Variants in DCHS2 observed in about 807,000 individuals in gnomAD.
DCHS2 encodes the protein protocadherin-23.
In DCHS2, 142 loss-of-function variants were observed where a neutral mutation model predicts 182.4. The ratio of observed to expected loss-of-function variants is 0.78; its 90% CI spans 0.68 to 0.89. DCHS2 has a LOEUF of 0.89. Among genes scored for constraint, DCHS2 ranks in the 40% least tolerant of loss-of-function variants. The pLI is 0.00. For missense variants in DCHS2, 4,319 were observed against 4,198.6 expected (o/e 1.03, Z -0.79); for synonymous variants, 1,740 against 1,663.3 (o/e 1.05, Z -1.12).
At chr4:154,338,101 C>CT (rs1053833093) in intron 3 of DCHS2, among the ~76,000 whole-genome samples, 3 of 152,168 alleles carry the variant, frequency 2.0e-5, no homozygotes, top group Non-Finnish European at 2.9e-5. Flanking sequence ...TTTCTCTCCA[C>CT]TTAGCTCTAG....
Position 154,486,337 on chromosome 4 carries a change from A to G in DCHS2, c.2052+2967T>C, listed in dbSNP as rs1728584923. The G allele has an allele frequency of 4.1e-6, 5 of 1,218,950 alleles. No individual in the cohort carries two copies. The Admixed American group carries it at 1.3e-4, about 31-fold the overall frequency. 75.5% of individuals were successfully genotyped at this position (1,218,950 alleles called of 1,614,324 possible). ...CATAGTGCCAGCAACAGCAGCAACT[A>G]GAGTGGTAGGACCCCAAACATTGGG... On this transcript the variant is annotated intron_variant, in intron 1 of 19. Coordinates refer to ENST00000357232, the MANE Select transcript of DCHS2 (RefSeq NM_001358235.2).
intron 1 of DCHS2, among the ~76,000 whole-genome samples, chr4:154,472,009 T>C (rs1024315345): frequency 7.0e-6 from 1 of 143,728 alleles, no homozygotes; most frequent in African/African-American, 2.5e-5. Context: ...CCTCATGTCC[T>C]GTTAGTCTCT....
At chr4:154,344,260 AG>A (rs1729251885) in intron 3 of DCHS2, among the ~76,000 whole-genome samples, 1 of 152,260 alleles carries the variant, frequency 6.6e-6, no homozygotes, top group African/African-American at 2.4e-5. Flanking sequence ...AATGTGACAT[AG>A]AGACACAAAG....
intron 19 of DCHS2, 32 bp from the exon 20 acceptor site, chr4:154,237,191 T>G: frequency 1.3e-6 from 2 of 1,565,246 alleles, no homozygotes; most frequent in South Asian, 2.4e-5. Flanking sequence ...TTCAACACTG[T>G]GAGGTGCAGT....
intron 1 of DCHS2, among the ~76,000 whole-genome samples, chr4:154,410,591 A>G (rs890473566): frequency 6.7e-6 from 1 of 149,206 alleles, no homozygotes. Flanking sequence ...AAAAAAAAAA[A>G]AAAAAAAAAA....
chr4:154,262,277 G>T (rs1733021772), intron 14 of DCHS2: 1 of 152,168 alleles, frequency 6.6e-6, no homozygotes, highest in Non-Finnish European at 1.5e-5. Context: ...ACTGGCATAT[G>T]CTGTGAAAGT....
At chr4:154,259,382 G>T (rs958124599) in intron 15 of DCHS2, among the ~76,000 whole-genome samples, 163 bp downstream of exon 15, 1 of 152,022 alleles carries the variant, frequency 6.6e-6, no homozygotes, top group East Asian at 1.9e-4. Context: ...TTAACCTAAG[G>T]TTTCATCCCA....
Position 154,490,016 on chromosome 4 carries a change from T to G in DCHS2, c.1340A>C (p.Asp447Ala), listed in dbSNP as rs1650287568. The G allele has an allele frequency of 1.3e-6, 2 of 1,548,224 alleles. No homozygotes were observed. The change falls in exon 1 of 20, where the codon GAC becomes GCC. Residue 447 changes from aspartate (D) to alanine (A), a missense_variant. Physicochemically the swap from Asp to Ala is moderately radical, Grantham distance 126. Transcript: ENST00000357232. ...TGTGGCCTCATCTTCCTTCTCCCAGTCACCGTCCGCGTCAGACACCGAGAC... is the reference window on the plus strand; with the variant it reads ...TGTGGCCTCATCTTCCTTCTCCCAGGCACCGTCCGCGTCAGACACCGAGAC... Reference protein sequence around the residue: ...ARVSVSDADGDWEKEDEATGE... With the variant: ...ARVSVSDADGAWEKEDEATGE...
rs1731340931 is a variant in DCHS2 at position 154,234,412 on chromosome 4, TCTAA to T, written c.*120_*123del. The T allele has an allele frequency of 2.2e-6, 3 of 1,343,250 alleles. No individual in the cohort carries two copies. The highest frequency in any genetic ancestry group is 2.9e-6 in the Non-Finnish European group (3 of 1,018,014). The allele number at this position is 1,343,250 out of a possible 1,614,324, so 83.2% of individuals were successfully genotyped here. A position where few individuals can be genotyped will look rare whatever the true frequency, so the allele number is the denominator to read the frequency against. ...ACTTTAATGGGGAAGTTTTAAAAAC[TCTAA>T]CTAAATTACATCACTTGCTTTTAGA... On this transcript the variant is annotated 3_prime_UTR_variant, in exon 20 of 20. Transcript: ENST00000357232.
At chr4:154,335,155 T>C (rs780358233) in intron 3 of DCHS2, 51 bp from the exon 4 acceptor site, 1 of 1,176,510 alleles carries the variant, frequency 8.5e-7, no homozygotes. Context: ...TAATAAATAC[T>C]GATGAGCAAT....
intron 1 of DCHS2, among the ~76,000 whole-genome samples, chr4:154,394,746 C>T (rs1731860567): frequency 6.6e-6 from 1 of 152,132 alleles, no homozygotes; most frequent in African/African-American, 2.4e-5. Context: ...TTGCCAATGA[C>T]AATATCCACA....
chr4:154,242,775 G>T lies in DCHS2; in HGVS notation c.6942-3C>A, dbSNP rs1223532293. 6.3e-7 allele frequency: 1 copy of T among 1,595,676 alleles called. No individual in the cohort carries two copies. Among genetic ancestry groups the T allele is most frequent in the Non-Finnish European group, 8.5e-7 (1 of 1,174,288 alleles). ...TATCTGTGGCTTGGACAATCAAGCT[G>T]GTTTGGAAAAAGAATCAAAGAATGT... On this transcript the variant is annotated splice_polypyrimidine_tract_variant and splice_region_variant and intron_variant, in intron 16 of 19. Coordinates refer to ENST00000357232, the MANE Select transcript of DCHS2 (RefSeq NM_001358235.2).
At chr4:154,271,781 C>T (rs149211817) in intron 13 of DCHS2, among the ~76,000 whole-genome samples, 18 of 152,196 alleles carry the variant, frequency 1.2e-4, no homozygotes, top group African/African-American at 4.1e-4. Flanking sequence ...AATTTACATA[C>T]AATAATCTGT....
In DCHS2 at chr4:154,366,365, G is replaced by A. The variant is rs780980972; in HGVS notation, c.2321C>T (p.Ser774Leu). Reference sequence around the variant, plus strand: ...ATCACTGATGCTCGTCACATAGGTTGATGGGTTAAACACAGGATGATTATC... The same window carrying A: ...ATCACTGATGCTCGTCACATAGGTTAATGGGTTAAACACAGGATGATTATC... Reference protein sequence around the residue: ...VNDNHPVFNPSTYVTSISDET... With the variant: ...VNDNHPVFNPLTYVTSISDET... The change falls in exon 3 of 20, where the codon TCA becomes TTA. Residue 774 changes from serine to leucine, a missense_variant. Coordinates refer to ENST00000357232, the MANE Select transcript of DCHS2 (RefSeq NM_001358235.2). 1 of 1,613,964 alleles carries A rather than the reference G, an allele frequency of 6.2e-7. No homozygotes were observed. Among genetic ancestry groups the A allele is most frequent in the South Asian group, 1.1e-5 (1 of 91,068 alleles).
chr4:154,260,505 T>C (rs923673886), intron 14 of DCHS2, among the ~76,000 whole-genome samples: 2 of 152,158 alleles, frequency 1.3e-5, no homozygotes, highest in African/African-American at 4.8e-5. Context: ...AAAAAAAAGA[T>C]GCTGTCATTG....
intron 16 of DCHS2, among the ~76,000 whole-genome samples, chr4:154,251,108 A>G (rs1206405661): frequency 6.6e-6 from 1 of 152,226 alleles, no homozygotes; most frequent in Admixed American, 6.5e-5. Flanking sequence ...TTTGAAAAAG[A>G]TAATTAACAT....
intron 1 of DCHS2, among the ~76,000 whole-genome samples, chr4:154,461,239 GT>G (rs755920240): frequency 2.0e-5 from 3 of 152,086 alleles, no homozygotes; most frequent in Non-Finnish European, 2.9e-5. Context: ...TTGAAAACAC[GT>G]TTATCCTTTT....
At chr4:154,316,133 A>T in intron 9 of DCHS2, 146 bp from the exon 10 acceptor site, 1 of 1,317,698 alleles carries the variant, frequency 7.6e-7, no homozygotes, top group Non-Finnish European at 1.0e-6. Flanking sequence ...TCATCTTTAA[A>T]TGTATACACT....
At chr4:154,417,628 C>A (rs1378700709) in intron 1 of DCHS2, among the ~76,000 whole-genome samples, 1 of 152,160 alleles carries the variant, frequency 6.6e-6, no homozygotes, top group Non-Finnish European at 1.5e-5. Context: ...AAAAACTATT[C>A]ATTGTTTATC....
Sources: allele counts gnomAD v4.1 joint callset (sites outside exome capture counted in the v4.1 genomes callset), GRCh38; gene constraint gnomAD v4.1.1; transcripts MANE v1.5; gene names NCBI Gene and HGNC (gene_info 2026-07-23, HGNC 2026-07-21).